COBL: variants seen among roughly 807,000 people sequenced by gnomAD.
COBL encodes the protein cordon-bleu WH2 repeat protein.
Under a neutral mutation model 98.8 loss-of-function variants are expected in COBL, and 51 were observed. The ratio of observed to expected loss-of-function variants is 0.52; its 90% CI spans 0.41 to 0.65. The LOEUF is 0.65. Among genes scored for constraint, COBL ranks in the 30% least tolerant of loss-of-function variants. COBL has a pLI of 0.00. For missense variants in COBL, 1,617 were observed against 1,617.5 expected, an observed-to-expected ratio of 1.00 and a Z score of 0.01; for synonymous variants, 634 against 651.7, an observed-to-expected ratio of 0.97 and a Z score of 0.41.
intron 5 of COBL, among the ~76,000 whole-genome samples, chr7:51,152,885 G>A (rs1162433219): frequency 6.6e-6 from 1 of 152,188 alleles, no homozygotes; most frequent in Non-Finnish European, 1.5e-5. Context: ...GTTCAGCCCA[G>A]GCATTCTCTA....
chr7:51,099,219 AT>A (rs1242569851), intron 6 of COBL, among the ~76,000 whole-genome samples: 1 of 152,230 alleles, frequency 6.6e-6, no homozygotes, highest in Non-Finnish European at 1.5e-5. Flanking sequence ...ACCTCAAAAA[AT>A]TAAAAATAGA....
chr7:51,174,811 C>T (rs755602060), intron 5 of COBL, among the ~76,000 whole-genome samples: 25 of 152,218 alleles, frequency 1.6e-4, no homozygotes, highest in Non-Finnish European at 2.6e-4. Context: ...TCCAAGGCAA[C>T]CTGAAAGTGT....
chr7:51,087,145 T>TAC (rs143387311), intron 6 of COBL, among the ~76,000 whole-genome samples: 10,413 of 148,776 alleles, frequency 0.07, 406 homozygotes, highest in Middle Eastern at 0.17. Context: ...CACAGAGACA[T>TAC]ACACACACAC....
chr7:51,124,402 C>T (rs1265643662), intron 6 of COBL, among the ~76,000 whole-genome samples: 1 of 152,116 alleles, frequency 6.6e-6, no homozygotes, highest in Non-Finnish European at 1.5e-5. Context: ...TAACTTCTGT[C>T]TGCTTGGACT....
At chr7:51,196,229 A>G (rs1212210179) in intron 2 of COBL, among the ~76,000 whole-genome samples, 2 of 152,094 alleles carry the variant, frequency 1.3e-5, no homozygotes, top group Non-Finnish European at 2.9e-5. Flanking sequence ...TTTTATCAAA[A>G]GCCTCTTCTG....
At chr7:51,091,504 T>C (rs1583759604) in intron 6 of COBL, among the ~76,000 whole-genome samples, 1 of 151,868 alleles carries the variant, frequency 6.6e-6, no homozygotes, top group East Asian at 1.9e-4. Context: ...AATTCAAAAA[T>C]TGAACACAGC....
chr7:51,184,742 C>T (rs1789325148), intron 4 of COBL, among the ~76,000 whole-genome samples: 1 of 152,056 alleles, frequency 6.6e-6, no homozygotes, highest in Non-Finnish European at 1.5e-5. Flanking sequence ...TCGGTACATG[C>T]AAGAGCCACA....
At chr7:51,031,236 T>C (rs779428927) in intron 8 of COBL, 2 of 251,924 alleles carry the variant, frequency 7.9e-6, no homozygotes, top group Non-Finnish European at 1.5e-5. Flanking sequence ...ACAGCTTTCA[T>C]TCACTCTGCA....
At chr7:51,243,812 G>A (rs1317173257) in intron 1 of COBL, among the ~76,000 whole-genome samples, 1 of 151,762 alleles carries the variant, frequency 6.6e-6, no homozygotes, top group Non-Finnish European at 1.5e-5. Context: ...GAGCGGTGCC[G>A]TGTCTGGCCT....
Position 51,029,084 on chromosome 7 carries a change from A to T in COBL, c.2012T>A (p.Val671Glu), listed in dbSNP as rs1366406474. Residue 671 changes from valine (V) to glutamate (E), a missense_variant, in exon 10 of 13, where the codon GTG becomes GAG. By Grantham distance (121) the Val-to-Glu change is moderately radical. This residue lies in a region of COBL where 1,304 missense variants were observed against 1,282.0 expected (regional missense o/e 1.02). Transcript: ENST00000265136. ...QATERVNSQP[V>E]NEKDSNDKNA... ...TTTATCGTTGCTGTCCTTTTCATTC[A>T]CCGGTTGGGAATTCACTCTCTCTGT... is the stretch of plus-strand genomic sequence containing the variant. 6.2e-6 allele frequency: 10 copies of T among 1,613,610 alleles called. No individual in the cohort carries two copies. In the Admixed American group the frequency reaches 1.5e-4, roughly 24 times the overall value.
rs1400417737 is a variant in COBL at position 51,236,532 on chromosome 7, CT to C, written c.42-16589del. Among the ~76,000 whole-genome samples, 4 of 152,142 alleles carry C rather than the reference CT, an allele frequency of 2.6e-5. No individual in the cohort carries two copies. In the East Asian group the frequency reaches 7.7e-4, roughly 29 times the overall value. On this transcript the variant is annotated intron_variant, in intron 1 of 12. Coordinates refer to ENST00000265136, the MANE Select transcript of COBL (RefSeq NM_015198.5). ...GAATGAAGCAGCTCATGACTGGAAACTTACACTTTTTATTGCTTGGTGTTCT... is the reference window on the plus strand; with the variant it reads ...GAATGAAGCAGCTCATGACTGGAAACTACACTTTTTATTGCTTGGTGTTCT...
At chr7:51,308,970 T>G (rs1280211545) in intron 1 of COBL, among the ~76,000 whole-genome samples, 1 of 152,132 alleles carries the variant, frequency 6.6e-6, no homozygotes. Flanking sequence ...CTATATAACG[T>G]GGGTGTGTGT....
intron 5 of COBL, among the ~76,000 whole-genome samples, chr7:51,158,266 T>G (rs1053598679): frequency 2.0e-5 from 3 of 152,234 alleles, no homozygotes; most frequent in African/African-American, 7.2e-5. Flanking sequence ...TAATCTACTA[T>G]GAATTGGTAC....
At chr7:51,297,713 A>G (rs531047636) in intron 1 of COBL, among the ~76,000 whole-genome samples, 41 of 152,284 alleles carry the variant, frequency 2.7e-4, no homozygotes, top group South Asian at 6.2e-4. Context: ...TTACATAAAC[A>G]ACAATACATA....
rs563286142 is a variant in COBL, at chr7:51,288,012, A to G, written c.41+28581T>C. On this transcript the variant is annotated intron_variant, in intron 1 of 12. Coordinates refer to ENST00000265136, the MANE Select transcript of COBL (RefSeq NM_015198.5). ...ATCAGTGGTTGCCAGGAAGAGAACA[A>G]AAGAAAATGCTGGGGTGATGAAAGT... 9.8e-5 allele frequency among the ~76,000 whole-genome samples: 15 copies of G among 152,306 alleles called. No individual in the cohort carries two copies. In the East Asian group the frequency reaches 2.9e-3, roughly 29 times the overall value.
At chr7:51,180,892 T>G (rs999153010) in intron 5 of COBL, among the ~76,000 whole-genome samples, 1 of 152,226 alleles carries the variant, frequency 6.6e-6, no homozygotes, top group Non-Finnish European at 1.5e-5. Context: ...CCTGTGTGCA[T>G]TACGCTTTTA....
chr7:51,184,475 A>G (rs764502148), intron 4 of COBL, among the ~76,000 whole-genome samples: 1 of 152,240 alleles, frequency 6.6e-6, no homozygotes, highest in South Asian at 2.1e-4. Context: ...GACAAAATAA[A>G]TAAAGTTCTA....
At chr7:51,118,417 C>T (rs540633057) in intron 6 of COBL, among the ~76,000 whole-genome samples, 8 of 151,906 alleles carry the variant, frequency 5.3e-5, no homozygotes, top group African/African-American at 1.7e-4. Context: ...GCTTCTCTGG[C>T]GGGTTCAAGA....
intron 5 of COBL, among the ~76,000 whole-genome samples, chr7:51,159,147 G>A (rs1481663128): frequency 1.3e-5 from 2 of 152,182 alleles, no homozygotes; most frequent in Admixed American, 6.5e-5. Context: ...CGCACCTGGC[G>A]GCCGCGCGCG....
Sources: allele counts gnomAD v4.1 joint callset (sites outside exome capture counted in the v4.1 genomes callset), GRCh38; gene constraint gnomAD v4.1.1; regional missense constraint gnomAD v4.1.1; transcripts MANE v1.5; gene names NCBI Gene and HGNC (gene_info 2026-07-23, HGNC 2026-07-21).